The following RPL31 variants were observed in gnomAD, a reference collection of about 807,000 sequenced individuals.
The protein encoded by RPL31 is ribosomal protein L31.
For synonymous variants in RPL31, 51 were observed against 55.0 expected, an observed-to-expected ratio of 0.93 and a Z score of 0.32; for missense variants, 95 against 164.0, an observed-to-expected ratio of 0.58 and a Z score of 2.30.
intron 2 of RPL31, among the ~76,000 whole-genome samples, chr2:101,003,217 A>G (rs1024113972): frequency 2.6e-5 from 4 of 152,126 alleles, no homozygotes; most frequent in Non-Finnish European, 5.9e-5. Context: ...ACTTTGTTGA[A>G]TTTTTACCCT....
At position 101,006,430 on chromosome 2, in the gene RPL31, T is replaced by G; in HGVS notation, c.*49T>G. The stretch of plus-strand genomic sequence containing the variant: ...AGTTATAAAATTGCCTTCATGTTTT[T>G]GTTCTTTTTAGTTGCAACATAATGT... On this transcript the variant is annotated 3_prime_UTR_variant, in exon 5 of 5. Transcript: ENST00000264258. 1 of 1,575,566 alleles carries G rather than the reference T, an allele frequency of 6.3e-7. No homozygotes were observed. The highest frequency in any genetic ancestry group is 8.6e-7 in the Non-Finnish European group (1 of 1,158,954).
At chr2:101,016,270 A>G (rs1679628672) in intron 4 of RPL31, among the ~76,000 whole-genome samples, 1 of 152,244 alleles carries the variant, frequency 6.6e-6, no homozygotes, top group Admixed American at 6.5e-5. Flanking sequence ...AAAGGATATG[A>G]ACAGACACTT....
chr2:101,015,087 TA>T (rs1183620346), intron 4 of RPL31, among the ~76,000 whole-genome samples: 1 of 152,224 alleles, frequency 6.6e-6, no homozygotes, highest in Non-Finnish European at 1.5e-5. Context: ...TGCTGTAGCC[TA>T]CTACACACCT....
intron 3 of RPL31, 138 bp downstream of exon 3, chr2:101,004,421 C>T (rs2105348828): frequency 2.2e-6 from 2 of 902,258 alleles, no homozygotes; most frequent in African/African-American, 1.7e-5. Flanking sequence ...GTGACCGTGA[C>T]TTAGGGTGTG....
At chr2:101,016,298 A>G (rs1306246935) in intron 4 of RPL31, among the ~76,000 whole-genome samples, 1 of 152,188 alleles carries the variant, frequency 6.6e-6, no homozygotes, top group African/African-American at 2.4e-5. Context: ...GAAGACATTT[A>G]TGCAGCCAAA....
At chr2:101,008,314 T>A, downstream of RPL31, 2 of 1,451,250 alleles carry the variant, frequency 1.4e-6, no homozygotes, top group South Asian at 1.5e-5. Flanking sequence ...AGAACCAGGG[T>A]GGAAGTGTCA....
rs1678789546 is a variant in RPL31, at chr2:101,007,242, T to TACTTGGAAA, written c.*861_*862insACTTGGAAA. On this transcript the variant is annotated 3_prime_UTR_variant, in exon 5 of 5. Transcript: ENST00000264258. ...AAAGGACCAAGTAAATACAAAAAGT[T>TACTTGGAAA]TCTTATTAAAAAACTTGGAAGCCAA... 1 of 152,346 alleles carries TACTTGGAAA rather than the reference T, an allele frequency of 6.6e-6. No homozygotes were observed. Among genetic ancestry groups the TACTTGGAAA allele is most frequent in the Admixed American group, 6.5e-5 (1 of 15,292 alleles). 9.4% of individuals were successfully genotyped at this position (152,346 alleles called of 1,614,324 possible).
chr2:101,005,766 C>A, intron 3 of RPL31, 193 bp from the exon 4 acceptor site: 1 of 593,428 alleles, frequency 1.7e-6, no homozygotes, highest in Non-Finnish European at 3.0e-6. Context: ...ACAAGCATCC[C>A]TCCTGTGGTA....
chr2:101,002,362 C>A (rs1573832054), intron 1 of RPL31, 47 bp downstream of exon 1: 3 of 248,440 alleles, frequency 1.2e-5, no homozygotes, highest in Admixed American at 5.3e-5. Flanking sequence ...CAGCCCCATC[C>A]TCCTTTGGGA....
Position 101,006,918 on chromosome 2 carries a change from C to T in RPL31, c.*537C>T, listed in dbSNP as rs1046744052. ...GCCTTTTGTAATGGCCCCGTGGTACCTGGAGTCAAGGTTCAGAAGTAAAAA... is the reference window on the plus strand; with the variant it reads ...GCCTTTTGTAATGGCCCCGTGGTACTTGGAGTCAAGGTTCAGAAGTAAAAA... On this transcript the variant is annotated 3_prime_UTR_variant, in exon 5 of 5. Transcript: ENST00000264258. The T allele has an allele frequency of 6.6e-6, 1 of 152,238 alleles. No homozygotes were observed. The highest frequency in any genetic ancestry group is 1.9e-4 in the East Asian group (1 of 5,198). The allele number at this position is 152,238 out of a possible 1,614,324, so 9.4% of individuals were successfully genotyped here. A position where few individuals can be genotyped will look rare whatever the true frequency, so the allele number is the denominator to read the frequency against.
chr2:101,002,333 A>G lies in RPL31; in HGVS notation c.-1+18A>G, dbSNP rs1433906660. ...GCTGCAGAGTGAGTATGGGTGGCGG[A>G]GTCTGGGCTCCTGGAATCCAGCCCC... On this transcript the variant is annotated intron_variant, in intron 1 of 4. Coordinates refer to ENST00000264258, the MANE Select transcript of RPL31 (RefSeq NM_000993.5). 1.9e-5 allele frequency: 4 copies of G among 211,836 alleles called. No homozygotes were observed. The highest frequency in any genetic ancestry group is 4.6e-5 in the African/African-American group (2 of 43,204). The allele number at this position is 211,836 out of a possible 1,614,324, so 13.1% of individuals were successfully genotyped here. A position where few individuals can be genotyped will look rare whatever the true frequency, so the allele number is the denominator to read the frequency against.
intron 3 of RPL31, chr2:101,005,084 G>A (rs1414766847): frequency 2.0e-5 from 3 of 152,252 alleles, no homozygotes; most frequent in South Asian, 2.1e-4. Context: ...GACATTGAAG[G>A]GTGCAGCAGG....
At chr2:101,004,477 G>C (rs752941723) in intron 3 of RPL31, 194 bp downstream of exon 3, 20 of 574,200 alleles carry the variant, frequency 3.5e-5, no homozygotes, top group Non-Finnish European at 5.4e-5. Flanking sequence ...TATGAACTGA[G>C]ACCCAAGGGA....
At chr2:101,007,448 C>T (rs1426712779), downstream of RPL31, among the ~76,000 whole-genome samples, 1 of 152,172 alleles carries the variant, frequency 6.6e-6, no homozygotes, top group Non-Finnish European at 1.5e-5. Context: ...CCTGACCTCT[C>T]CCATTGTCAC....
At chr2:101,005,491 A>C (rs1678692992) in intron 3 of RPL31, 1 of 154,934 alleles carries the variant, frequency 6.5e-6, no homozygotes, top group African/African-American at 2.4e-5. Flanking sequence ...TTGCATTTTT[A>C]GTAGAGAGGG....
At chr2:101,007,740 G>T, downstream of RPL31, 4 of 1,424,892 alleles carry the variant, frequency 2.8e-6, no homozygotes, top group Non-Finnish European at 2.9e-6. Context: ...CTGAAATCTC[G>T]GTTTAGGGCT....
At chr2:101,010,974 G>A (rs753736785), downstream of RPL31, 1 of 1,612,330 alleles carries the variant, frequency 6.2e-7, no homozygotes, top group East Asian at 2.2e-5. Flanking sequence ...CTTTTTCTTT[G>A]GCTAAATCCT....
At chr2:101,005,697 A>G (rs971066304) in intron 3 of RPL31, 2 of 460,106 alleles carry the variant, frequency 4.3e-6, no homozygotes, top group Non-Finnish European at 7.7e-6. Context: ...TTGGACCCAG[A>G]TATCTGCTTA....
chr2:101,011,105 G>C, downstream of RPL31: 1 of 1,330,520 alleles, frequency 7.5e-7, no homozygotes, highest in Non-Finnish European at 1.1e-6. Context: ...GTAGGAGAGA[G>C]GAGCAAGGGG....
Sources: allele counts gnomAD v4.1 joint callset (sites outside exome capture counted in the v4.1 genomes callset), GRCh38; gene constraint gnomAD v4.1.1; transcripts MANE v1.5; gene names NCBI Gene and HGNC (gene_info 2026-07-23, HGNC 2026-07-21).